ZBTB11: variants seen among roughly 807,000 people sequenced by gnomAD.
ZBTB11 encodes zinc finger and BTB domain-containing protein 11.
Under a neutral mutation model 113.1 loss-of-function variants are expected in ZBTB11, and 68 were observed. The ratio of observed to expected loss-of-function variants is 0.60; its 90% CI spans 0.49 to 0.74. The LOEUF is 0.74. ZBTB11 is among the 30% of genes least tolerant of loss of function. The pLI is 0.00. For missense variants in ZBTB11, 1,104 were observed against 1,279.4 expected, an observed-to-expected ratio of 0.86 and a Z score of 2.09; for synonymous variants, 518 against 452.6, an observed-to-expected ratio of 1.14 and a Z score of -1.83.
At chr3:101,674,372 C>CT (rs368815296) in intron 1 of ZBTB11, among the ~76,000 whole-genome samples, 1 of 151,928 alleles carries the variant, frequency 6.6e-6, no homozygotes, top group Non-Finnish European at 1.5e-5. Flanking sequence ...TTAAATATAA[C>CT]TTTATCAAAA....
At chr3:101,676,278 G>T (rs1334225514) in intron 1 of ZBTB11, among the ~76,000 whole-genome samples, 1 of 131,052 alleles carries the variant, frequency 7.6e-6, no homozygotes, top group Admixed American at 7.2e-5. Context: ...CCAGAGGGCC[G>T]GGGCCTACAG....
Position 101,672,202 on chromosome 3 carries a change from G to C in ZBTB11, c.322C>G (p.Gln108Glu). 6.3e-7 allele frequency: 1 copy of C among 1,599,832 alleles called. No individual in the cohort carries two copies. Among genetic ancestry groups the C allele is most frequent in the Non-Finnish European group, 8.5e-7 (1 of 1,173,048 alleles). ...CACTGTTTAATGTAATCTTTGACTT[G>C]CTTCAATATACCTACAATGAAAATA... ...KTYWWRGILK[Q>E]VKDYIKQCSK... Residue 108 changes from glutamine (Q) to glutamate (E), a missense_variant, in exon 2 of 11, where the codon CAA (glutamine) becomes GAA (glutamate). By Grantham distance (29) the Gln-to-Glu change is conservative (BLOSUM62 2). Transcript: ENST00000312938.
chr3:101,670,145 T>G (rs1321670952), intron 3 of ZBTB11, among the ~76,000 whole-genome samples: 4 of 152,126 alleles, frequency 2.6e-5, no homozygotes, highest in African/African-American at 9.7e-5. Flanking sequence ...TTGCTTTCTA[T>G]AAACATAAAG....
rs1020716222 is a variant in ZBTB11 at position 101,650,815 on chromosome 3, ATAAAG to A, written c.*346_*350del. 8 of 162,436 alleles carry A rather than the reference ATAAAG, an allele frequency of 4.9e-5. No individual in the cohort carries two copies. The highest frequency in any genetic ancestry group is 9.5e-5 in the African/African-American group (4 of 41,942). 10.1% of individuals were successfully genotyped at this position (162,436 alleles called of 1,614,324 possible). A position where few individuals can be genotyped will look rare whatever the true frequency, so the allele number is the denominator to read the frequency against. On this transcript the variant is annotated 3_prime_UTR_variant, in exon 11 of 11. Transcript: ENST00000312938. ...CAGCCTTTTAAATGCAAAATGTATA[ATAAAG>A]TAATGTCAAAATGCAAATGAAACTG... is the stretch of plus-strand genomic sequence containing the variant.
intron 3 of ZBTB11, 131 bp downstream of exon 3, chr3:101,670,999 T>C: frequency 1.4e-6 from 1 of 712,824 alleles, no homozygotes; most frequent in South Asian, 2.0e-5. Flanking sequence ...ACCTTTTCAG[T>C]ACAGCTTAGT....
At chr3:101,661,591 C>A (rs1936888645) in intron 5 of ZBTB11, among the ~76,000 whole-genome samples, 1 of 152,206 alleles carries the variant, frequency 6.6e-6, no homozygotes. Context: ...CTTCTAGTTT[C>A]TGTTGCTGTT....
At chr3:101,669,679 GAAAAAAAA>G (rs1012450978) in intron 3 of ZBTB11, among the ~76,000 whole-genome samples, 1 of 146,378 alleles carries the variant, frequency 6.8e-6, no homozygotes, top group Admixed American at 6.8e-5. Flanking sequence ...ACCAAACCCA[GAAAAAAAA>G]AATACCACTA....
In ZBTB11 at chr3:101,665,432, C is replaced by A. The variant is rs1936977452; in HGVS notation, c.1155G>T (p.Glu385Asp). ...EQNGEVGRQP[E>D]PQVSSEAESA... ...ATTCAGCCTCTGAAGAAACCTGGGG[C>A]TCAGGCTGTCGTCCTACCTCTCCAT... Residue 385 changes from glutamate to aspartate, a missense_variant, in exon 4 of 11, where the codon GAG (glutamate) becomes GAT (aspartate). By Grantham distance (45) the Glu-to-Asp change is conservative. Transcript: ENST00000312938. 6.2e-7 allele frequency: 1 copy of A among 1,614,050 alleles called. No individual in the cohort carries two copies. Among genetic ancestry groups the A allele is most frequent in the Non-Finnish European group, 8.5e-7 (1 of 1,180,032 alleles).
chr3:101,673,243 C>T (rs1177266145), intron 1 of ZBTB11, among the ~76,000 whole-genome samples: 1 of 152,136 alleles, frequency 6.6e-6, no homozygotes, highest in Non-Finnish European at 1.5e-5. Flanking sequence ...AATTCCCATT[C>T]TATACAAGAG....
chr3:101,665,287 C>G lies in ZBTB11; in HGVS notation c.1300G>C (p.Val434Leu), dbSNP rs368253556. 2 of 1,614,142 alleles carry G rather than the reference C, an allele frequency of 1.2e-6. No individual in the cohort carries two copies. The highest frequency in any genetic ancestry group is 1.3e-5 in the African/African-American group (1 of 75,032). ...GAAAGTTTAGGGTGTATATTAGAAACTGTGTTATTTTCTCTGTTGTTTGAA... is the reference window on the plus strand; with the variant it reads ...GAAAGTTTAGGGTGTATATTAGAAAGTGTGTTATTTTCTCTGTTGTTTGAA... Reference protein sequence around the residue: ...ETSNNRENNTVSNIHPKLSKE... With the variant: ...ETSNNRENNTLSNIHPKLSKE... Residue 434 changes from valine to leucine, a missense_variant, in exon 4 of 11, where the codon GTT becomes CTT. Around this residue, in one of 5 missense-constraint regions of ZBTB11, gnomAD observed 535 missense variants for 518.6 expected, o/e 1.03. Coordinates refer to ENST00000312938, the MANE Select transcript of ZBTB11 (RefSeq NM_014415.4).
intron 6 of ZBTB11, among the ~76,000 whole-genome samples, chr3:101,656,773 T>C (rs899358138): frequency 2.0e-5 from 3 of 152,162 alleles, no homozygotes; most frequent in African/African-American, 7.2e-5. Context: ...TCTGTACTTA[T>C]TGTCCACAGA....
chr3:101,665,734 T>C lies in ZBTB11; in HGVS notation c.853A>G (p.Met285Val). ...CGAGCTAAGATGGCTACATCAGCCATGCTACAGAAATCAAAACTTAGTACA... is the reference window on the plus strand; with the variant it reads ...CGAGCTAAGATGGCTACATCAGCCACGCTACAGAAATCAAAACTTAGTACA... The part of the protein sequence containing the change: ...TSVLSFDFCS[M>V]ADVAILARHL... The change falls in exon 4 of 11, where the codon ATG becomes GTG. Residue 285 changes from methionine to valine, a missense_variant. By Grantham distance (21) the Met-to-Val change is conservative. Transcript: ENST00000312938. The C allele has an allele frequency of 6.2e-7, 1 of 1,614,106 alleles. No individual in the cohort carries two copies.
At chr3:101,659,140 A>G (rs923118932) in intron 6 of ZBTB11, among the ~76,000 whole-genome samples, 1 of 152,128 alleles carries the variant, frequency 6.6e-6, no homozygotes, top group Non-Finnish European at 1.5e-5. Flanking sequence ...TTGGGAGGCT[A>G]AGGTGGGAGG....
chr3:101,674,680 CAG>C (rs2108329328), intron 1 of ZBTB11, among the ~76,000 whole-genome samples: 1 of 151,568 alleles, frequency 6.6e-6, no homozygotes, highest in South Asian at 2.1e-4. Context: ...GCCTGGGCAA[CAG>C]AGTGACTCTG....
chr3:101,654,773 C>G lies in ZBTB11; in HGVS notation c.2240G>C (p.Gly747Ala), dbSNP rs1482703413. 5 of 1,613,994 alleles carry G rather than the reference C, an allele frequency of 3.1e-6. No individual in the cohort carries two copies. The East Asian group carries it at 1.1e-4, about 36-fold the overall frequency. The change falls in exon 8 of 11, where the codon GGC (glycine) becomes GCC (alanine). Residue 747 changes from glycine to alanine, a missense_variant. By Grantham distance (60) the Gly-to-Ala change is moderately conservative. Around this residue, in one of 5 missense-constraint regions of ZBTB11, gnomAD observed 535 missense variants for 518.6 expected, o/e 1.03. Coordinates refer to ENST00000312938, the MANE Select transcript of ZBTB11 (RefSeq NM_014415.4). ...CTTGAAGTGCTTGCTGAGTCCAGAG[C>G]CCCTATGAAAAGACTTTCCACAAAC... is the stretch of plus-strand genomic sequence containing the variant. ...CSVCGKSFHRGSGLSKHFKKH... is the reference protein window; with the variant it reads ...CSVCGKSFHRASGLSKHFKKH...
chr3:101,676,107 C>T (rs969805673), intron 1 of ZBTB11, among the ~76,000 whole-genome samples: 1 of 152,252 alleles, frequency 6.6e-6, no homozygotes, highest in Non-Finnish European at 1.5e-5. Context: ...GGAACACTAG[C>T]GAATGTGTCC....
chr3:101,651,250 T>C lies in ZBTB11; in HGVS notation c.3078A>G (p.Gln1026=), dbSNP rs113058229. ...CTTCAGATAGCTTCTGTCCTTGCTG[T>C]TGTGCTAATACATAATTAACCACTT... The part of the protein sequence containing the change: ...IMQVVNYVLA[Q]QQGQKLSEVA... The change falls in exon 11 of 11, where the codon CAA becomes CAG. Residue 1026 remains glutamine, a synonymous_variant. Coordinates refer to ENST00000312938, the MANE Select transcript of ZBTB11 (RefSeq NM_014415.4). 2.5e-6 allele frequency: 4 copies of C among 1,614,004 alleles called. No individual in the cohort carries two copies. The highest frequency in any genetic ancestry group is 3.4e-6 in the Non-Finnish European group (4 of 1,180,008).
chr3:101,676,942 T>A lies in ZBTB11; in HGVS notation c.-28A>T, dbSNP rs113355382. Reference sequence around the variant, plus strand: ...CGGACCGCGGCTCCCTGAGGGCGCCTGTCAGGGACAGGTGAGGAAAACGGC... The same window carrying A: ...CGGACCGCGGCTCCCTGAGGGCGCCAGTCAGGGACAGGTGAGGAAAACGGC... On this transcript the variant is annotated 5_prime_UTR_variant, in exon 1 of 11. Transcript: ENST00000312938. 6.4e-5 allele frequency: 98 copies of A among 1,532,684 alleles called. No individual in the cohort carries two copies. The African/African-American group carries it at 1.1e-3, about 18-fold the overall frequency. 94.9% of individuals were successfully genotyped at this position (1,532,684 alleles called of 1,614,324 possible).
chr3:101,663,005 T>A (rs1003994024), intron 5 of ZBTB11, among the ~76,000 whole-genome samples: 4 of 151,280 alleles, frequency 2.6e-5, no homozygotes, highest in Admixed American at 2.6e-4. Context: ...AGTGGCACAA[T>A]CTCGGCTCAC....
Sources: gnomAD v4.1 joint callset for allele counts (sites outside exome capture counted in the v4.1 genomes callset) on GRCh38, gnomAD v4.1.1 for gene constraint, gnomAD v4.1.1 regional missense constraint, MANE v1.5 for transcripts, NCBI Gene and HGNC (gene_info 2026-07-23, HGNC 2026-07-21) for gene names.